The following SGCD variants were observed in gnomAD, a reference collection of about 807,000 sequenced individuals.
The protein encoded by SGCD is sarcoglycan delta, also known as delta-sarcoglycan.
SGCD carries 18 observed loss-of-function variants against 36.6 expected under a neutral mutation model. The observed-to-expected ratio is 0.49, with a 90% confidence interval of 0.34 to 0.73. The LOEUF is 0.73. SGCD is among the 30% of genes least tolerant of loss of function. SGCD has a pLI of 0.01. For synonymous variants in SGCD, 133 were observed against 130.6 expected (o/e 1.02, Z -0.12); for missense variants, 387 against 346.7 (o/e 1.12, Z -0.92).
chr5:156,032,670 G>T (rs10065929), intron 1 of SGCD, among the ~76,000 whole-genome samples: 42,714 of 131,454 alleles, frequency 0.32, 6,652 homozygotes, highest in Middle Eastern at 0.43. Context: ...GTGAGCCACT[G>T]CACTCCAGCC....
At chr5:155,961,187 A>G (rs1440356712) in intron 1 of SGCD, among the ~76,000 whole-genome samples, 1 of 152,126 alleles carries the variant, frequency 6.6e-6, no homozygotes, top group African/African-American at 2.4e-5. Flanking sequence ...GCTGTTAAAT[A>G]GTTAATATCT....
intron 1 of SGCD, among the ~76,000 whole-genome samples, chr5:156,019,054 A>G (rs536005703): frequency 3.9e-5 from 6 of 152,354 alleles, no homozygotes; most frequent in African/African-American, 1.4e-4. Flanking sequence ...AAAATTAACT[A>G]TATATTAATC....
chr5:156,238,529 A>G (rs1765224400), intron 3 of SGCD, among the ~76,000 whole-genome samples: 1 of 152,232 alleles, frequency 6.6e-6, no homozygotes, highest in Non-Finnish European at 1.5e-5. Context: ...GGATAAGGCC[A>G]AGAATAGACT....
intron 1 of SGCD, among the ~76,000 whole-genome samples, chr5:155,883,815 GAAAA>G (rs1367068823): frequency 2.4e-5 from 2 of 84,642 alleles, no homozygotes; most frequent in Non-Finnish European, 4.7e-5. Flanking sequence ...AAAAAAAAAA[GAAAA>G]GCACTATTTT....
intron 3 of SGCD, among the ~76,000 whole-genome samples, chr5:156,271,071 CG>C (rs1288895464): frequency 6.6e-6 from 1 of 152,094 alleles, no homozygotes; most frequent in Non-Finnish European, 1.5e-5. Context: ...CTAATAGAGG[CG>C]TTTTGGAAAG....
chr5:156,567,373 G>GATAAATAA (rs199772807), intron 4 of SGCD, among the ~76,000 whole-genome samples: 5 of 129,038 alleles, frequency 3.9e-5, no homozygotes, highest in African/African-American at 1.2e-4. Flanking sequence ...GGGATGGATA[G>GATAAATAA]ATAAATAGAT....
At chr5:155,769,816 G>C in the SGCD span, among the ~76,000 whole-genome samples, 4 of 152,112 alleles carry the variant, frequency 2.6e-5, no homozygotes, top group Non-Finnish European at 5.9e-5. Context: ...TCACGGCACA[G>C]TAATCCTTCT....
chr5:156,038,905 A>G (rs1759566392), intron 1 of SGCD, among the ~76,000 whole-genome samples: 1 of 152,196 alleles, frequency 6.6e-6, no homozygotes, highest in Non-Finnish European at 1.5e-5. Flanking sequence ...GGTAAAAGGC[A>G]AAATCCTTAG....
chr5:156,305,304 G>T (rs1288830886), intron 3 of SGCD, among the ~76,000 whole-genome samples: 1 of 152,146 alleles, frequency 6.6e-6, no homozygotes, highest in Non-Finnish European at 1.5e-5. Context: ...TTAGGGACTT[G>T]GTGTCCTGCA....
At chr5:155,917,185 C>G (rs1446642848) in intron 1 of SGCD, among the ~76,000 whole-genome samples, 2 of 152,184 alleles carry the variant, frequency 1.3e-5, no homozygotes, top group Non-Finnish European at 2.9e-5. Context: ...TTGCACTTCT[C>G]ACCTCTGACT....
chr5:156,211,535 G>C (rs1349673529), intron 3 of SGCD, among the ~76,000 whole-genome samples: 6 of 151,488 alleles, frequency 4.0e-5, no homozygotes. Context: ...GTGAACCTGG[G>C]AGGCGGAGCC....
chr5:156,141,291 A>G (rs898800230), intron 3 of SGCD, among the ~76,000 whole-genome samples: 14 of 139,002 alleles, frequency 1.0e-4, no homozygotes, highest in South Asian at 2.1e-4. Context: ...GTCACCACAG[A>G]GAGTCCCAGC....
intron 1 of SGCD, among the ~76,000 whole-genome samples, chr5:155,874,171 A>G (rs1304389248): frequency 2.0e-5 from 3 of 152,172 alleles, no homozygotes. Flanking sequence ...TCCTATTAAA[A>G]AAATGAAGAT....
At chr5:156,499,878 G>A (rs941038879) in intron 3 of SGCD, among the ~76,000 whole-genome samples, 1 of 152,100 alleles carries the variant, frequency 6.6e-6, no homozygotes, top group Non-Finnish European at 1.5e-5. Flanking sequence ...TTTATAAAGA[G>A]AAGAAAGCTA....
chr5:155,857,682 A>C, the SGCD span, among the ~76,000 whole-genome samples: 1 of 152,196 alleles, frequency 6.6e-6, no homozygotes, highest in South Asian at 2.1e-4. Context: ...ATAGATTATA[A>C]AGGGGCACAA....
intron 3 of SGCD, among the ~76,000 whole-genome samples, chr5:156,378,644 AAG>A (rs1364576522): frequency 3.3e-5 from 5 of 152,140 alleles, no homozygotes; most frequent in African/African-American, 1.2e-4. Flanking sequence ...GTTTTCAAAA[AAG>A]ACTTTTCCTA....
At chr5:156,081,285 G>A (rs952890196) in intron 1 of SGCD, among the ~76,000 whole-genome samples, 9 of 152,142 alleles carry the variant, frequency 5.9e-5, no homozygotes, top group Non-Finnish European at 8.8e-5. Context: ...ACAGCACCAC[G>A]CCATGAGGGA....
chr5:156,672,281 C>T (rs994041752), intron 7 of SGCD, among the ~76,000 whole-genome samples: 5 of 152,170 alleles, frequency 3.3e-5, no homozygotes, highest in Non-Finnish European at 7.3e-5. Context: ...TAGTCCAGCA[C>T]TGTTACCCTC....
chr5:155,849,481 A>G, the SGCD span, among the ~76,000 whole-genome samples: 1 of 150,804 alleles, frequency 6.6e-6, no homozygotes, highest in African/African-American at 2.4e-5. Context: ...CTATTTTGCT[A>G]TAATCCAAAT....
Sources: gnomAD v4.1 joint callset for allele counts (sites outside exome capture counted in the v4.1 genomes callset) on GRCh38, gnomAD v4.1.1 for gene constraint, MANE v1.5 for transcripts, NCBI Gene and HGNC (gene_info 2026-07-23, HGNC 2026-07-21) for gene names.